AGBL4: variants seen among roughly 807,000 people sequenced by gnomAD.
AGBL4 encodes AGBL carboxypeptidase 4, also known as cytosolic carboxypeptidase 6.
AGBL4 carries 58 observed loss-of-function variants against 66.4 expected under a neutral mutation model. The observed-to-expected ratio is 0.87, with a 90% CI of 0.71 to 1.09. The LOEUF (loss-of-function observed/expected upper bound fraction) is 1.09. Ranked by LOEUF, AGBL4 falls within the 50% of genes least tolerant of loss-of-function variation. The pLI is 0.00. For synonymous variants in AGBL4, 234 were observed against 222.9 expected (o/e 1.05, Z -0.44); for missense variants, 579 against 631.0 (o/e 0.92, Z 0.88).
At chr1:49,438,599 C>T (rs1645957081) in intron 3 of AGBL4, among the ~76,000 whole-genome samples, 1 of 152,130 alleles carries the variant, frequency 6.6e-6, no homozygotes, top group African/African-American at 2.4e-5. Flanking sequence ...CAACCTCATC[C>T]CTGGTGCCCT....
rs536116507 is a variant in AGBL4 at position 49,030,328 on chromosome 1, C to T, written c.594+15256G>A. On this transcript the variant is annotated intron_variant, in intron 5 of 13. Coordinates refer to ENST00000371839, the MANE Select transcript of AGBL4 (RefSeq NM_032785.4). The stretch of plus-strand genomic sequence containing the variant: ...TGCCATGTGGATATAACAAGACAGC[C>T]GACTGAAAACCAGGAAGTGGGCCCT... Among the ~76,000 whole-genome samples, 17 of 152,164 alleles carry T rather than the reference C, an allele frequency of 1.1e-4. 1 individual carries two copies. The highest frequency in any genetic ancestry group is 3.9e-4 in the East Asian group (2 of 5,154).
At chr1:49,128,058 G>A (rs1234709541) in intron 4 of AGBL4, among the ~76,000 whole-genome samples, 1 of 151,796 alleles carries the variant, frequency 6.6e-6, no homozygotes, top group African/African-American at 2.4e-5. Context: ...CATTAAAAGA[G>A]CAATTATAAT....
chr1:48,820,133 G>A (rs1237005233), intron 6 of AGBL4, among the ~76,000 whole-genome samples: 1 of 152,182 alleles, frequency 6.6e-6, no homozygotes, highest in East Asian at 1.9e-4. Context: ...CAAGGATAAG[G>A]TCTTTTCTCT....
At chr1:48,567,061 C>A (rs1406895572) in intron 11 of AGBL4, among the ~76,000 whole-genome samples, 1 of 152,122 alleles carries the variant, frequency 6.6e-6, no homozygotes, top group Non-Finnish European at 1.5e-5. Context: ...TCTGGAACAC[C>A]CTGACTAATA....
intron 3 of AGBL4, among the ~76,000 whole-genome samples, chr1:49,556,390 G>C (rs894416406): frequency 1.3e-5 from 2 of 152,018 alleles, no homozygotes; most frequent in African/African-American, 4.8e-5. Flanking sequence ...GGTGGGGGAA[G>C]GGGGCAGGAA....
rs144531733 is a variant in AGBL4, at chr1:49,281,153, A to G, written c.283-35289T>C. 7.2e-5 allele frequency among the ~76,000 whole-genome samples: 11 copies of G among 152,336 alleles called. No homozygotes were observed. In the East Asian group the frequency reaches 1.9e-3, roughly 27 times the overall value. ...TAATAAGAAAAAAAGACCCTAAAAGATCAAGCAACTTCTTGTTTTGGTCAC... is the reference window on the plus strand; with the variant it reads ...TAATAAGAAAAAAAGACCCTAAAAGGTCAAGCAACTTCTTGTTTTGGTCAC... On this transcript the variant is annotated intron_variant, in intron 3 of 13. Coordinates refer to ENST00000371839, the MANE Select transcript of AGBL4 (RefSeq NM_032785.4).
chr1:49,768,920 CT>C (rs1379313452), intron 2 of AGBL4, among the ~76,000 whole-genome samples: 1 of 151,906 alleles, frequency 6.6e-6, no homozygotes, highest in East Asian at 1.9e-4. Flanking sequence ...GCGATCTTGG[CT>C]CACTGCAACC....
In AGBL4 at chr1:48,816,045, TTGTGTGTGTGTGTGTG is replaced by T. The variant is rs59041939; in HGVS notation, c.634+51130_634+51145del. 3.5e-3 allele frequency among the ~76,000 whole-genome samples: 500 copies of T among 144,388 alleles called. 1 individual carries two copies. The highest frequency in any genetic ancestry group is 0.011 in the African/African-American group (430 of 38,702). The allele number at this position is 144,388 out of a possible 152,430, so 94.7% of individuals were successfully genotyped here. On this transcript the variant is annotated intron_variant, in intron 6 of 13. Coordinates refer to ENST00000371839, the MANE Select transcript of AGBL4 (RefSeq NM_032785.4). The stretch of plus-strand genomic sequence containing the variant: ...TTTGGCCACTTATTGAGGAACTGTT[TTGTGTGTGTGTGTGTG>T]TGTGTGTGTGTGTGTGTGTGTGTGT...
chr1:49,155,669 CAG>C (rs1646416144), intron 4 of AGBL4, among the ~76,000 whole-genome samples: 1 of 152,104 alleles, frequency 6.6e-6, no homozygotes, highest in Non-Finnish European at 1.5e-5. Flanking sequence ...AGTAAGATGT[CAG>C]GGGGCATCTT....
chr1:49,029,724 A>G (rs1664051757), intron 5 of AGBL4, among the ~76,000 whole-genome samples: 1 of 152,182 alleles, frequency 6.6e-6, no homozygotes, highest in African/African-American at 2.4e-5. Context: ...TATAGCCAAA[A>G]CAATCTTGAA....
intron 4 of AGBL4, among the ~76,000 whole-genome samples, chr1:49,171,084 A>T (rs191575458): frequency 6.6e-5 from 10 of 152,296 alleles, no homozygotes; most frequent in Admixed American, 1.3e-4. Flanking sequence ...ATCTTATAAG[A>T]AAGTGTTAAT....
chr1:49,784,931 G>A (rs77858944), intron 2 of AGBL4, among the ~76,000 whole-genome samples: 1 of 151,880 alleles, frequency 6.6e-6, no homozygotes, highest in Non-Finnish European at 1.5e-5. Flanking sequence ...ACAAATCCTT[G>A]CTCTGCCAAG....
chr1:49,565,438 G>C (rs1419093546), intron 3 of AGBL4, among the ~76,000 whole-genome samples: 1 of 152,112 alleles, frequency 6.6e-6, no homozygotes, highest in Non-Finnish European at 1.5e-5. Flanking sequence ...GCAGTGGCTG[G>C]TACTGGTTGT....
intron 1 of AGBL4, among the ~76,000 whole-genome samples, chr1:49,923,455 A>T (rs1652466870): frequency 6.6e-6 from 1 of 152,108 alleles, no homozygotes; most frequent in African/African-American, 2.4e-5. Flanking sequence ...AATAAAAAAA[A>T]AATAAGTGTG....
At chr1:49,387,376 C>T (rs1376344873) in intron 3 of AGBL4, among the ~76,000 whole-genome samples, 1 of 151,854 alleles carries the variant, frequency 6.6e-6, no homozygotes, top group African/African-American at 2.4e-5. Context: ...TTATGCCTCA[C>T]TTTTAATTAA....
chr1:49,944,840 T>C (rs920570787), intron 1 of AGBL4, among the ~76,000 whole-genome samples: 1 of 151,766 alleles, frequency 6.6e-6, no homozygotes, highest in Non-Finnish European at 1.5e-5. Flanking sequence ...GGGAGAAATC[T>C]TCAGTGAAAT....
intron 3 of AGBL4, among the ~76,000 whole-genome samples, chr1:49,541,265 T>C (rs1041030186): frequency 2.0e-5 from 3 of 152,132 alleles, no homozygotes; most frequent in Non-Finnish European, 2.9e-5. Flanking sequence ...GCCGCTGCAC[T>C]ATGGGAGCCC....
At chr1:49,621,339 C>T (rs771734228) in intron 3 of AGBL4, among the ~76,000 whole-genome samples, 8 of 152,172 alleles carry the variant, frequency 5.3e-5, no homozygotes, top group Non-Finnish European at 1.2e-4. Context: ...CGGGAACTCA[C>T]ATTCTGTATT....
intron 3 of AGBL4, among the ~76,000 whole-genome samples, chr1:49,692,154 A>C (rs1024607860): frequency 7.2e-5 from 11 of 152,144 alleles, no homozygotes; most frequent in African/African-American, 2.7e-4. Context: ...CTCTTTACTT[A>C]ACATTGTCTT....
Sources: gnomAD v4.1 joint callset for allele counts (sites outside exome capture counted in the v4.1 genomes callset) on GRCh38, gnomAD v4.1.1 for gene constraint, MANE v1.5 for transcripts, NCBI Gene and HGNC (gene_info 2026-07-23, HGNC 2026-07-21) for gene names.